Variants in TEX9 observed in about 807,000 individuals in gnomAD.
TEX9 encodes the protein testis expressed 9.
TEX9 carries 74 observed loss-of-function variants against 59.6 expected under a neutral mutation model. That is an observed-to-expected ratio of 1.24 (90% CI 1.03 to 1.51). The LOEUF (loss-of-function observed/expected upper bound fraction) is 1.51, where lower values mean the gene tolerates loss of function less well. Ranked by LOEUF, TEX9 falls within the 40% of genes most tolerant of loss-of-function variation. The pLI, the probability that TEX9 is intolerant of heterozygous loss-of-function variation, is 0.00. For missense variants in TEX9, 522 were observed against 447.8 expected, an observed-to-expected ratio of 1.17 and a Z score of -1.49; for synonymous variants, 186 against 152.2, an observed-to-expected ratio of 1.22 and a Z score of -1.64.
intron 3 of TEX9, 53 bp downstream of exon 3, chr15:56,373,557 T>G: frequency 1.4e-6 from 2 of 1,420,590 alleles, no homozygotes; most frequent in Non-Finnish European, 1.9e-6. Flanking sequence ...GTTTTTTATC[T>G]TTTTCATTTG....
intron 4 of TEX9, among the ~76,000 whole-genome samples, chr15:56,388,049 A>G (rs1412726320): frequency 1.3e-5 from 2 of 152,042 alleles, no homozygotes; most frequent in African/African-American, 4.8e-5. Context: ...TTCTACCCTC[A>G]TAGAGTTCAC....
At chr15:56,281,873 G>A (rs988124162) in intron 1 of TEX9, among the ~76,000 whole-genome samples, 2 of 152,050 alleles carry the variant, frequency 1.3e-5, no homozygotes, top group Non-Finnish European at 2.9e-5. Flanking sequence ...ATTCATCCAG[G>A]GATGATTAGA....
At position 56,268,686 on chromosome 15, in the gene TEX9, C is replaced by T. The variant is rs889348570; in HGVS notation, c.-107+24408C>T. Among the ~76,000 whole-genome samples the T allele has an allele frequency of 1.3e-4, 19 of 151,850 alleles. 1 individual carries two copies. The South Asian group carries it at 1.5e-3, about 12-fold the overall frequency. Reference sequence around the variant, plus strand: ...CCCAGGGATGAAGCCAACTTGATCTCGGTGGATAAGCTTTTTGATGTGCTG... The same window carrying T: ...CCCAGGGATGAAGCCAACTTGATCTTGGTGGATAAGCTTTTTGATGTGCTG... On this transcript the variant is annotated intron_variant, in intron 1 of 5. Transcript: ENST00000560827.
At chr15:56,435,882 G>T (rs1316876818) in intron 12 of TEX9, among the ~76,000 whole-genome samples, 1 of 151,936 alleles carries the variant, frequency 6.6e-6, no homozygotes, top group East Asian at 1.9e-4. Flanking sequence ...CGTGAATATG[G>T]ATGCACAAAT....
intron 1 of TEX9, among the ~76,000 whole-genome samples, chr15:56,305,209 C>T (rs532025017): frequency 1.3e-5 from 2 of 151,836 alleles, no homozygotes; most frequent in African/African-American, 4.8e-5. Context: ...TTATCCAAAA[C>T]GATTTACAGA....
At chr15:56,300,103 C>T (rs1339708795) in intron 1 of TEX9, among the ~76,000 whole-genome samples, 1 of 152,102 alleles carries the variant, frequency 6.6e-6, no homozygotes, top group Admixed American at 6.5e-5. Flanking sequence ...TCCTGGATGG[C>T]ATTTTTTGAA....
chr15:56,438,494 C>T (rs1163777851), intron 12 of TEX9, among the ~76,000 whole-genome samples: 2 of 152,070 alleles, frequency 1.3e-5, no homozygotes, highest in African/African-American at 4.8e-5. Context: ...AAAATTAATT[C>T]AGGATGGATT....
intron 1 of TEX9, among the ~76,000 whole-genome samples, chr15:56,285,023 T>C (rs556764155): frequency 4.2e-4 from 64 of 152,180 alleles, no homozygotes; most frequent in African/African-American, 1.4e-3. Flanking sequence ...TATAACTTTA[T>C]TTATCTAAGA....
intron 1 of TEX9, among the ~76,000 whole-genome samples, chr15:56,306,364 G>A (rs1045698260): frequency 2.6e-5 from 4 of 150,988 alleles, no homozygotes; most frequent in Non-Finnish European, 5.9e-5. Context: ...AGAAACCTAA[G>A]TGTCCATCAA....
chr15:56,446,759 AAT>A (rs1311283076), downstream of TEX9: 13 of 1,024,328 alleles, frequency 1.3e-5, no homozygotes, highest in Middle Eastern at 2.2e-4. Flanking sequence ...TTCTTTATAC[AAT>A]ATGACAATTT....
At chr15:56,313,826 A>C (rs2045686625) in intron 1 of TEX9, among the ~76,000 whole-genome samples, 1 of 118,374 alleles carries the variant, frequency 8.4e-6, no homozygotes. Context: ...ACAATTTCAG[A>C]TCCTGTTATT....
At chr15:56,291,914 CAT>C (rs1233194316) in intron 1 of TEX9, among the ~76,000 whole-genome samples, 1 of 152,242 alleles carries the variant, frequency 6.6e-6, no homozygotes, top group Non-Finnish European at 1.5e-5. Flanking sequence ...GCAATTGGCA[CAT>C]GACTGTGGCA....
intron 1 of TEX9, among the ~76,000 whole-genome samples, chr15:56,341,053 G>T (rs2046363378): frequency 6.6e-6 from 1 of 152,102 alleles, no homozygotes; most frequent in Non-Finnish European, 1.5e-5. Flanking sequence ...GGCACAGGGG[G>T]CTTGCTAGGG....
intron 1 of TEX9, among the ~76,000 whole-genome samples, chr15:56,309,868 T>G (rs1464789318): frequency 6.6e-6 from 1 of 151,096 alleles, no homozygotes; most frequent in Non-Finnish European, 1.5e-5. Flanking sequence ...TTGAGTAGAG[T>G]CAGGGAAGTG....
At chr15:56,445,827 C>T (rs998535098) in exon 13 of TEX9, 34 of 151,938 alleles carry the variant, frequency 2.2e-4, no homozygotes, top group African/African-American at 6.8e-4. Context: ...CTACAACTAC[C>T]TTGAATAACT....
At chr15:56,315,912 C>T (rs541871882) in intron 1 of TEX9, among the ~76,000 whole-genome samples, 26 of 151,424 alleles carry the variant, frequency 1.7e-4, no homozygotes, top group African/African-American at 4.8e-4. Flanking sequence ...CATCTTCCAT[C>T]GCTGATACCC....
rs377081821 is a variant in TEX9, at chr15:56,400,776, C to T, written c.828+5942C>T. On this transcript the variant is annotated intron_variant, in intron 9 of 12. Coordinates refer to ENST00000352903, the Ensembl canonical transcript of TEX9. The stretch of plus-strand genomic sequence containing the variant: ...CACAAAGGGAAGCCCATCAGACTAA[C>T]GGGAGATCTCTCAGCAGAAACCCTA... 7.0e-4 allele frequency among the ~76,000 whole-genome samples: 106 copies of T among 152,322 alleles called. No individual in the cohort carries two copies. The South Asian group carries it at 0.021, about 30-fold the overall frequency.
At chr15:56,365,307 C>T (rs2046881711), upstream of TEX9, 2 of 1,142,922 alleles carry the variant, frequency 1.7e-6, no homozygotes, top group East Asian at 2.6e-5. Context: ...AAAGGCCGAG[C>T]CCGCTGCCAG....
chr15:56,317,325 C>A (rs998307892), intron 1 of TEX9, among the ~76,000 whole-genome samples: 1 of 152,200 alleles, frequency 6.6e-6, no homozygotes, highest in East Asian at 1.9e-4. Context: ...CATTGGCAAA[C>A]AATTATTCAT....
Sources: allele counts gnomAD v4.1 joint callset (sites outside exome capture counted in the v4.1 genomes callset), GRCh38; gene constraint gnomAD v4.1.1; transcripts MANE v1.5; gene names NCBI Gene and HGNC (gene_info 2026-07-23, HGNC 2026-07-21).